The following ITGA10 variants were observed in gnomAD, a reference collection of about 807,000 sequenced individuals.
ITGA10 encodes integrin alpha-10.
Under a neutral mutation model 145.2 loss-of-function variants are expected in ITGA10, and 105 were observed. The ratio of observed to expected loss-of-function variants is 0.72; its 90% CI spans 0.62 to 0.85. The LOEUF (loss-of-function observed/expected upper bound fraction) is 0.85. Among genes scored for constraint, ITGA10 ranks in the 40% least tolerant of loss-of-function variants. The pLI is 0.00. For missense variants in ITGA10, 1,317 were observed against 1,444.5 expected (o/e 0.91, Z 1.43); for synonymous variants, 506 against 557.8 (o/e 0.91, Z 1.31).
intron 5 of ITGA10, among the ~76,000 whole-genome samples, chr1:145,905,504 C>G (rs782345739): frequency 3.9e-5 from 6 of 152,026 alleles, no homozygotes; most frequent in Non-Finnish European, 8.8e-5. Flanking sequence ...TGGTCTCGAT[C>G]TCCTGACCTC....
chr1:145,894,104 TGTAGTG>T (rs1553744091), intron 27 of ITGA10, among the ~76,000 whole-genome samples: 1 of 147,752 alleles, frequency 6.8e-6, no homozygotes. Flanking sequence ...GTACCAAGTA[TGTAGTG>T]GTTTCTTTTT....
At chr1:145,893,120 T>A (rs116618739) in intron 29 of ITGA10, 41 bp downstream of exon 29, 515 of 1,419,324 alleles carry the variant, frequency 3.6e-4, no homozygotes, top group Non-Finnish European at 5.0e-4. Context: ...CCTCAACTCA[T>A]GGGCATCATG....
Position 145,896,274 on chromosome 1 carries a change from A to G in ITGA10, c.2913T>C (p.Thr971=), listed in dbSNP as rs1655383018. ...PVGPGPEFKT[T]LRVQNLGCYV... is the part of the protein sequence containing the mutation. ...GACCCCTCCAGCTTCTCACCCTGAG[A>G]GTGGTTTTGAATTCTGGGCCAGGAC... Residue 971 remains threonine, a synonymous_variant, in exon 24 of 30, where the codon ACT becomes ACC. Coordinates refer to ENST00000369304, the MANE Select transcript of ITGA10 (RefSeq NM_003637.5). 6.2e-6 allele frequency: 10 copies of G among 1,612,574 alleles called. No individual in the cohort carries two copies. The South Asian group carries it at 9.9e-5, about 16-fold the overall frequency.
In ITGA10 at chr1:145,901,304, C is replaced by G. The variant is rs782279649; in HGVS notation, c.1444-26G>C. The G allele has an allele frequency of 1.9e-6, 3 of 1,612,844 alleles. No individual in the cohort carries two copies. The highest frequency in any genetic ancestry group is 1.7e-6 in the Non-Finnish European group (2 of 1,179,226). On this transcript the variant is annotated intron_variant, in intron 12 of 29. Coordinates refer to ENST00000369304, the MANE Select transcript of ITGA10 (RefSeq NM_003637.5). This position sits in a 1 kb window ranked among gnomAD's most constrained non-coding sequence, Gnocchi z 4.3. Reference sequence around the variant, plus strand: ...CTGGGGAATGGTGGGTGATGATGACCCCAGAGAAAAGGGAAGGTAACTGTA... The same window carrying G: ...CTGGGGAATGGTGGGTGATGATGACGCCAGAGAAAAGGGAAGGTAACTGTA...
Position 145,901,067 on chromosome 1 carries a change from C to A in ITGA10, c.1587+68G>T. 6.2e-7 allele frequency: 1 copy of A among 1,612,808 alleles called. No individual in the cohort carries two copies. Among genetic ancestry groups the A allele is most frequent in the East Asian group, 2.2e-5 (1 of 44,860 alleles). The stretch of plus-strand genomic sequence containing the variant: ...CTCAGCAAACCCTCAAATATGTGCA[C>A]CTTCCCTCCTTTCCTCCCTCCACCC... On this transcript the variant is annotated intron_variant, in intron 13 of 29. Coordinates refer to ENST00000369304, the MANE Select transcript of ITGA10 (RefSeq NM_003637.5). The surrounding 1 kb of genome is among the most constrained non-coding windows in gnomAD (Gnocchi z 4.3).
chr1:145,904,535 T>C, intron 6 of ITGA10, 149 bp downstream of exon 6: 1 of 717,590 alleles, frequency 1.4e-6, no homozygotes, highest in Admixed American at 3.0e-5. Flanking sequence ...TGCCTGGCTA[T>C]TTTTTTTTTC....
At chr1:145,897,154 C>G in intron 21 of ITGA10, 67 bp from the exon 22 acceptor site, 1 of 1,551,654 alleles carries the variant, frequency 6.4e-7, no homozygotes, top group Non-Finnish European at 8.9e-7. Context: ...GGAACAGGAG[C>G]CCTTGTGCGC....
In ITGA10 at chr1:145,905,282, A is replaced by T. The variant is rs377005684; in HGVS notation, c.482-471T>A. The stretch of plus-strand genomic sequence containing the variant: ...ATTAGGAAAGGCATGTGGGTAGAGA[A>T]CATTTTTTTTTTTTTGAGACAGAGT... On this transcript the variant is annotated intron_variant, in intron 5 of 29. Transcript: ENST00000369304. Among the ~76,000 whole-genome samples, 13 of 147,484 alleles carry T rather than the reference A, an allele frequency of 8.8e-5. No individual in the cohort carries two copies. The East Asian group carries it at 1.7e-3, about 20-fold the overall frequency.
In ITGA10 at chr1:145,897,625, G is replaced by C; in HGVS notation, c.2461C>G (p.Arg821Gly). Residue 821 changes from arginine (R) to glycine (G), a missense_variant, in exon 20 of 30, where the codon CGG (arginine) becomes GGG (glycine). By Grantham distance (125) the Arg-to-Gly change is moderately radical (BLOSUM62 -2). Transcript: ENST00000369304. ...GTTGTAGATACCAGCACTTTCCGCC[G>C]GCCACCTCGAACCACAAATGGGGCC... The part of the protein sequence containing the change: ...RKAPFVVRGG[R>G]RKVLVSTTLE... 2 of 1,614,030 alleles carry C rather than the reference G, an allele frequency of 1.2e-6. No individual in the cohort carries two copies. The highest frequency in any genetic ancestry group is 1.7e-6 in the Non-Finnish European group (2 of 1,179,996).
Position 145,902,592 on chromosome 1 carries a change from G to T in ITGA10, c.937C>A (p.Arg313=). 2.5e-6 allele frequency: 4 copies of T among 1,609,114 alleles called. No individual in the cohort carries two copies. The highest frequency in any genetic ancestry group is 3.4e-6 in the Non-Finnish European group (4 of 1,177,898). The change falls in exon 9 of 30, where the codon CGA becomes AGA. Residue 313 remains arginine, a synonymous_variant. Coordinates refer to ENST00000369304, the MANE Select transcript of ITGA10 (RefSeq NM_003637.5). ...AVLGHYLRRQ[R]DPSSFLREIR... is the part of the protein sequence containing the mutation. Reference sequence around the variant, plus strand: ...TCTCTCAGGAAAGAGCTGGGATCTCGCTGCCGCCGGAGGTAGTGACCAAGG... The same window carrying T: ...TCTCTCAGGAAAGAGCTGGGATCTCTCTGCCGCCGGAGGTAGTGACCAAGG...
Position 145,897,525 on chromosome 1 carries a change from C to A in ITGA10, c.2561G>T (p.Ser854Ile), listed in dbSNP as rs797036239. The A allele has an allele frequency of 5.6e-6, 9 of 1,614,126 alleles. No individual in the cohort carries two copies. The highest frequency in any genetic ancestry group is 7.6e-6 in the Non-Finnish European group (9 of 1,180,016). The change falls in exon 20 of 30, where the codon AGT (serine) becomes ATT (isoleucine). Residue 854 changes from serine (S) to isoleucine (I), a missense_variant. Transcript: ENST00000369304. ...CTCCAAAGGCACCTGAGGAGTGAGACTGGCCAGGTGGAGGTTTCTAGAGAA... is the reference window on the plus strand; with the variant it reads ...CTCCAAAGGCACCTGAGGAGTGAGAATGGCCAGGTGGAGGTTTCTAGAGAA... ...LIFSRNLHLA[S>I]LTPQRESPIK...
At chr1:145,903,981 C>A in intron 7 of ITGA10, 71 bp downstream of exon 7, 1 of 1,572,874 alleles carries the variant, frequency 6.4e-7, no homozygotes, top group South Asian at 1.1e-5. Flanking sequence ...AGCCACCATG[C>A]CTGGCCCCGC....
intron 18 of ITGA10, 59 bp from the exon 19 acceptor site, chr1:145,897,959 T>A: frequency 6.8e-7 from 1 of 1,464,754 alleles, no homozygotes; most frequent in Non-Finnish European, 9.6e-7. Flanking sequence ...AGGAATAGAA[T>A]AGGGGGAAAG....
intron 6 of ITGA10, 86 bp from the exon 7 acceptor site, chr1:145,904,286 T>C: frequency 1.5e-6 from 2 of 1,291,646 alleles, no homozygotes; most frequent in Non-Finnish European, 2.2e-6. Context: ...AGAGGAGAGA[T>C]GAACACCTGG....
In ITGA10 at chr1:145,901,525, C is replaced by G. The variant is rs142042030; in HGVS notation, c.1434G>C (p.Gln478His). The change falls in exon 12 of 30, where the codon CAG becomes CAC. Residue 478 changes from glutamine to histidine, a missense_variant. Coordinates refer to ENST00000369304, the MANE Select transcript of ITGA10 (RefSeq NM_003637.5). The surrounding 1 kb of genome is among the most constrained non-coding windows in gnomAD (Gnocchi z 4.3). The part of the protein sequence containing the change: ...DGAVRVAQSL[Q>H]GEQIGSYFGS... ...TCCTTGGATGCCCTACCTGCTCCCC[C>G]TGGAGGCTCTGGGCAACCCTCACAG... 1,723 of 1,575,580 alleles carry G rather than the reference C, an allele frequency of 1.1e-3. 5 individuals are homozygous for G. The highest frequency in any genetic ancestry group is 1.4e-3 in the Non-Finnish European group (1,609 of 1,163,838).
In ITGA10 at chr1:145,897,571, T is replaced by C. The variant is rs1553745685; in HGVS notation, c.2515A>G (p.Asn839Asp). The C allele has an allele frequency of 1.2e-6, 2 of 1,613,972 alleles. No homozygotes were observed. The highest frequency in any genetic ancestry group is 1.7e-5 in the Admixed American group (1 of 59,968). ...GAGAAGATGAGACTCAGGCTCGTATTGTAAGCATTTTCCTTTCTGTTCTCC... is the reference window on the plus strand; with the variant it reads ...GAGAAGATGAGACTCAGGCTCGTATCGTAAGCATTTTCCTTTCTGTTCTCC... ...TLENRKENAY[N>D]TSLSLIFSRN... is the part of the protein sequence containing the mutation. The change falls in exon 20 of 30, where the codon AAT becomes GAT. Residue 839 changes from asparagine (N) to aspartate (D), a missense_variant. By Grantham distance (23) the Asn-to-Asp change is conservative. Coordinates refer to ENST00000369304, the MANE Select transcript of ITGA10 (RefSeq NM_003637.5).
rs2274613 is a variant in ITGA10 at position 145,893,349 on chromosome 1, C to T, written c.3325-75G>A. The T allele has an allele frequency of 3.9e-4, 442 of 1,137,908 alleles. No homozygotes were observed. The East Asian group carries it at 0.01, about 26-fold the overall frequency. The allele number at this position is 1,137,908 out of a possible 1,614,324, so 70.5% of individuals were successfully genotyped here. ...GCCTCACCCCACATTATATCAAAGC[C>T]AGCCCCCAAATAGAATAAATAACCT... On this transcript the variant is annotated intron_variant, in intron 28 of 29. Transcript: ENST00000369304.
In ITGA10 at chr1:145,895,651, G is replaced by T; in HGVS notation, c.3094C>A (p.Leu1032Ile). The change falls in exon 26 of 30, where the codon CTT (leucine) becomes ATT (isoleucine). Residue 1032 changes from leucine to isoleucine, a missense_variant. Physicochemically the swap from Leu to Ile is conservative, Grantham distance 5. Coordinates refer to ENST00000369304, the MANE Select transcript of ITGA10 (RefSeq NM_003637.5). ...PPGPPVHPEE[L>I]QHTNRLNGSN... ...CATACCAGTCTGTTTGTGTGTTGAA[G>T]CTCCTCTGGATGCACAGGTGGGCCT... 1 of 1,614,206 alleles carries T rather than the reference G, an allele frequency of 6.2e-7. No homozygotes were observed. Among genetic ancestry groups the T allele is most frequent in the African/African-American group, 1.3e-5 (1 of 75,064 alleles).
At chr1:145,903,002 G>T in intron 7 of ITGA10, 41 bp from the exon 8 acceptor site, 1 of 1,097,034 alleles carries the variant, frequency 9.1e-7, no homozygotes, top group Non-Finnish European at 1.3e-6. Context: ...GATGTATGCA[G>T]ACACACACAC....
Sources: allele counts gnomAD v4.1 joint callset (sites outside exome capture counted in the v4.1 genomes callset), GRCh38; gene constraint gnomAD v4.1.1; non-coding constraint Gnocchi (gnomAD v3.1); transcripts MANE v1.5; gene names NCBI Gene and HGNC (gene_info 2026-07-23, HGNC 2026-07-21).